PPARGC1B: variants seen among roughly 807,000 people sequenced by gnomAD.
The protein encoded by PPARGC1B is peroxisome proliferator-activated receptor gamma coactivator 1-beta.
In PPARGC1B, 34 loss-of-function variants were observed where a neutral mutation model predicts 101.6. That is an observed-to-expected ratio of 0.33 (90% CI 0.25 to 0.45). PPARGC1B has a LOEUF of 0.45. Among genes scored for constraint, PPARGC1B ranks in the 20% least tolerant of loss-of-function variants. The pLI is 1.00. For missense variants in PPARGC1B, 1,234 were observed against 1,317.6 expected (o/e 0.94, Z 0.98); for synonymous variants, 548 against 539.3 (o/e 1.02, Z -0.22).
At chr5:149,809,115 T>TTAGATAGATAGATAGATAGA (rs10635808) in intron 1 of PPARGC1B, among the ~76,000 whole-genome samples, 5 of 84,092 alleles carry the variant, frequency 5.9e-5, no homozygotes, top group African/African-American at 9.6e-5. Context: ...TATCTCCACC[T>TTAGATAGATAGATAGATAGA]TAGATAGATA....
intron 1 of PPARGC1B, among the ~76,000 whole-genome samples, chr5:149,735,857 G>A (rs1288947853): frequency 6.6e-6 from 1 of 152,224 alleles, no homozygotes; most frequent in Non-Finnish European, 1.5e-5. Flanking sequence ...CGGGTGCGGC[G>A]GCTCACGCCT....
intron 1 of PPARGC1B, among the ~76,000 whole-genome samples, chr5:149,819,416 AC>A (rs1243076239): frequency 1.3e-5 from 2 of 152,118 alleles, no homozygotes; most frequent in Non-Finnish European, 2.9e-5. Flanking sequence ...GTCTTGGAGA[AC>A]ACACAGATCT....
intron 1 of PPARGC1B, among the ~76,000 whole-genome samples, chr5:149,736,457 G>C (rs1754713778): frequency 6.6e-6 from 1 of 152,050 alleles, no homozygotes; most frequent in Non-Finnish European, 1.5e-5. Flanking sequence ...AAAATGATCA[G>C]GGTCAGTTTC....
chr5:149,767,837 G>C (rs891882768), intron 1 of PPARGC1B, among the ~76,000 whole-genome samples: 2 of 152,086 alleles, frequency 1.3e-5, no homozygotes, highest in South Asian at 2.1e-4. Context: ...GGTTGGGGGT[G>C]GGGGGTGGCG....
At chr5:149,857,018 C>T (rs1217095974), downstream of PPARGC1B, among the ~76,000 whole-genome samples, 2 of 151,982 alleles carry the variant, frequency 1.3e-5, no homozygotes, top group Non-Finnish European at 2.9e-5. Context: ...TTGATCCATC[C>T]ACCTCGGCCT....
At position 149,854,721 on chromosome 5, in the gene PPARGC1B, G is replaced by C. The variant is rs1054873891; in HGVS notation, c.*7163G>C. On this transcript the variant is annotated 3_prime_UTR_variant, in exon 12 of 12. Coordinates refer to ENST00000309241, the MANE Select transcript of PPARGC1B (RefSeq NM_133263.4). ...ATTTTATTTCTGGTGTGATTTCTCT[G>C]TCTTACCTTCTAAATGAGAAAATGT... The C allele has an allele frequency of 6.6e-6, 1 of 151,962 alleles. No homozygotes were observed. The highest frequency in any genetic ancestry group is 1.5e-5 in the Non-Finnish European group (1 of 67,998). The allele number at this position is 151,962 out of a possible 1,614,324, so 9.4% of individuals were successfully genotyped here. A position where few individuals can be genotyped will look rare whatever the true frequency, so the allele number is the denominator to read the frequency against.
At chr5:149,749,679 T>C (rs1278671650) in intron 1 of PPARGC1B, among the ~76,000 whole-genome samples, 1 of 152,004 alleles carries the variant, frequency 6.6e-6, no homozygotes, top group African/African-American at 2.4e-5. Context: ...GAAAGAAGAG[T>C]GTCATGGTGA....
intron 1 of PPARGC1B, among the ~76,000 whole-genome samples, chr5:149,742,401 A>G (rs962700302): frequency 2.6e-5 from 4 of 152,054 alleles, no homozygotes; most frequent in Admixed American, 2.6e-4. Flanking sequence ...TGCTACAGAC[A>G]CTTTCTGTTC....
At chr5:149,790,365 C>A (rs58963441) in intron 1 of PPARGC1B, among the ~76,000 whole-genome samples, 4,439 of 152,104 alleles carry the variant, frequency 0.029, 186 homozygotes, top group African/African-American at 0.099. Context: ...CCCTACAGAA[C>A]ATCAGGCTCA....
At chr5:149,810,533 CA>C (rs1757814345) in intron 1 of PPARGC1B, among the ~76,000 whole-genome samples, 1 of 152,242 alleles carries the variant, frequency 6.6e-6, no homozygotes, top group Non-Finnish European at 1.5e-5. Flanking sequence ...AGAGACTTTG[CA>C]GATCTTCAGT....
intron 1 of PPARGC1B, chr5:149,818,972 C>T (rs1758164600): frequency 2.3e-6 from 1 of 430,894 alleles, no homozygotes; most frequent in Non-Finnish European, 4.7e-6. Context: ...CATCACCAAG[C>T]CATTCTGTTT....
intron 1 of PPARGC1B, chr5:149,818,752 A>G (rs1300854066): frequency 4.5e-6 from 2 of 448,238 alleles, no homozygotes. Flanking sequence ...TTTTATCATT[A>G]TTATTATCAT....
intron 1 of PPARGC1B, among the ~76,000 whole-genome samples, chr5:149,764,737 G>A (rs1399882093): frequency 6.6e-6 from 1 of 152,194 alleles, no homozygotes; most frequent in African/African-American, 2.4e-5. Flanking sequence ...TATTGCTAAG[G>A]ATAAGTCTAA....
intron 1 of PPARGC1B, among the ~76,000 whole-genome samples, chr5:149,765,604 C>G (rs188350120): frequency 2.0e-5 from 3 of 152,032 alleles, no homozygotes; most frequent in African/African-American, 4.8e-5. Flanking sequence ...TTCTAAACAT[C>G]GACCAGCACT....
In PPARGC1B at chr5:149,814,492, G is replaced by T. The variant is rs372159070; in HGVS notation, c.79-5941G>T. On this transcript the variant is annotated intron_variant, in intron 1 of 11. Coordinates refer to ENST00000309241, the MANE Select transcript of PPARGC1B (RefSeq NM_133263.4). ...CCAGAGGGGTCAGTGAGGACCAGAGGGGGGAGGTGACCCAATGAAGGACGC... is the reference window on the plus strand; with the variant it reads ...CCAGAGGGGTCAGTGAGGACCAGAGTGGGGAGGTGACCCAATGAAGGACGC... Among the ~76,000 whole-genome samples the T allele has an allele frequency of 4.6e-5, 7 of 152,276 alleles. 1 individual carries two copies. The South Asian group carries it at 8.3e-4, about 18-fold the overall frequency.
rs1036740297 is a variant in PPARGC1B, at chr5:149,831,552, A to G, written c.582+669A>G. On this transcript the variant is annotated intron_variant, in intron 4 of 11. Coordinates refer to ENST00000309241, the MANE Select transcript of PPARGC1B (RefSeq NM_133263.4). Reference sequence around the variant, plus strand: ...GGGCTTCTCTGGGGAATGAGTCCCTATGCTCCCTCCCTATTTGTCCTGGCT... The same window carrying G: ...GGGCTTCTCTGGGGAATGAGTCCCTGTGCTCCCTCCCTATTTGTCCTGGCT... Among the ~76,000 whole-genome samples, 14 of 152,058 alleles carry G rather than the reference A, an allele frequency of 9.2e-5. 2 individuals carry two copies. The highest frequency in any genetic ancestry group is 2.9e-5 in the Non-Finnish European group (2 of 68,016).
At chr5:149,811,685 C>T (rs1012504968) in intron 1 of PPARGC1B, among the ~76,000 whole-genome samples, 11 of 152,180 alleles carry the variant, frequency 7.2e-5, no homozygotes, top group African/African-American at 2.4e-4. Flanking sequence ...CCTGTTATAC[C>T]AAAGGCCTGA....
At chr5:149,824,602 C>T (rs542587843) in intron 2 of PPARGC1B, among the ~76,000 whole-genome samples, 1 of 152,292 alleles carries the variant, frequency 6.6e-6, no homozygotes, top group Admixed American at 6.5e-5. Context: ...TGGCAGAACC[C>T]CAAGAGTGGT....
intron 1 of PPARGC1B, among the ~76,000 whole-genome samples, chr5:149,803,013 C>T (rs1441321871): frequency 6.6e-6 from 1 of 152,164 alleles, no homozygotes; most frequent in African/African-American, 2.4e-5. Context: ...ACCTCCACCC[C>T]CTCCACTGTC....
Sources: allele counts gnomAD v4.1 joint callset (sites outside exome capture counted in the v4.1 genomes callset), GRCh38; gene constraint gnomAD v4.1.1; transcripts MANE v1.5; gene names NCBI Gene and HGNC (gene_info 2026-07-23, HGNC 2026-07-21).